The following SORCS2 variants were observed in gnomAD, a reference collection of about 807,000 sequenced individuals.
SORCS2 encodes sortilin related VPS10 domain containing receptor 2, also known as VPS10 domain-containing receptor SorCS2.
A neutral mutation model predicts 141.6 loss-of-function variants in SORCS2; 100 were observed. That is an observed-to-expected ratio of 0.71 (90% confidence interval 0.60 to 0.83). The LOEUF (loss-of-function observed/expected upper bound fraction) is 0.83, where lower values mean the gene tolerates loss of function less well. Among genes scored for constraint, SORCS2 ranks in the 40% least tolerant of loss-of-function variants. The pLI is 0.00. For synonymous variants in SORCS2, 789 were observed against 676.9 expected (o/e 1.17, Z -2.57); for missense variants, 1,646 against 1,560.2 (o/e 1.05, Z -0.93).
At chr4:7,316,245 T>TCCAC (rs1179921973) in intron 1 of SORCS2, among the ~76,000 whole-genome samples, 1 of 152,034 alleles carries the variant, frequency 6.6e-6, no homozygotes. Flanking sequence ...CATCCATCCA[T>TCCAC]CCATCCATGC....
intron 23 of SORCS2, among the ~76,000 whole-genome samples, chr4:7,733,009 G>A (rs1018211718): frequency 3.9e-4 from 38 of 96,374 alleles, no homozygotes; most frequent in African/African-American, 3.4e-4. Flanking sequence ...CCCTACTTCC[G>A]GTAGATCCCA....
rs150636893 is a variant in SORCS2 at position 7,547,879 on chromosome 4, G to A, written c.648+16250G>A. Among the ~76,000 whole-genome samples, 505 of 152,230 alleles carry A rather than the reference G, an allele frequency of 3.3e-3. 7 individuals are homozygous for A. The highest frequency in any genetic ancestry group is 0.011 in the African/African-American group (453 of 41,532). On this transcript the variant is annotated intron_variant, in intron 3 of 26. Coordinates refer to ENST00000507866, the MANE Select transcript of SORCS2 (RefSeq NM_020777.3). ...GGAACATCAATTTGAACAAACAAAC[G>A]CATGCACAAACAAACTGATTAAAGA...
rs1712683534 is a variant in SORCS2, at chr4:7,741,603, G to A, written c.*1339G>A. On this transcript the variant is annotated 3_prime_UTR_variant, in exon 27 of 27. Coordinates refer to ENST00000507866, the MANE Select transcript of SORCS2 (RefSeq NM_020777.3). ...AGCCCTGGCTGGTGATGTGCTGGCT[G>A]GGGGTGAATCCCAATGAGGGTCCCT... 4.8e-6 allele frequency: 1 copy of A among 206,212 alleles called. No individual in the cohort carries two copies. The highest frequency in any genetic ancestry group is 6.3e-5 in the Admixed American group (1 of 15,974). The allele number at this position is 206,212 out of a possible 1,614,324, so 12.8% of individuals were successfully genotyped here. A position where few individuals can be genotyped will look rare whatever the true frequency, so the allele number is the denominator to read the frequency against.
chr4:7,632,098 A>G (rs1405717980), intron 3 of SORCS2, among the ~76,000 whole-genome samples: 3 of 152,166 alleles, frequency 2.0e-5, no homozygotes, highest in Admixed American at 2.0e-4. Flanking sequence ...ACACCTACCT[A>G]GCAGGTATGC....
intron 8 of SORCS2, among the ~76,000 whole-genome samples, chr4:7,674,110 C>G (rs1722954896): frequency 6.6e-6 from 1 of 152,074 alleles, no homozygotes; most frequent in African/African-American, 2.4e-5. Context: ...ACCCATGGTC[C>G]CACTTCACAC....
intron 1 of SORCS2, among the ~76,000 whole-genome samples, chr4:7,327,568 C>G (rs528680606): frequency 6.6e-6 from 1 of 152,254 alleles, no homozygotes; most frequent in African/African-American, 2.4e-5. Flanking sequence ...CTGCTGGTCT[C>G]CCGGCTGCGT....
intron 1 of SORCS2, among the ~76,000 whole-genome samples, chr4:7,361,548 G>C (rs931350579): frequency 6.6e-6 from 1 of 151,988 alleles, no homozygotes; most frequent in Admixed American, 6.5e-5. Flanking sequence ...GCAGCTGCAG[G>C]CCCCCTGCCT....
intron 1 of SORCS2, among the ~76,000 whole-genome samples, chr4:7,198,695 G>A (rs958858763): frequency 1.3e-5 from 2 of 152,178 alleles, no homozygotes; most frequent in Non-Finnish European, 2.9e-5. Flanking sequence ...AGGGGTGAGT[G>A]CCTGTCATAC....
chr4:7,683,479 T>C (rs1292995328), intron 10 of SORCS2, among the ~76,000 whole-genome samples: 2 of 152,238 alleles, frequency 1.3e-5, no homozygotes, highest in African/African-American at 2.4e-5. Flanking sequence ...TGGTCTCTGC[T>C]CTGCACATCT....
intron 2 of SORCS2, among the ~76,000 whole-genome samples, chr4:7,448,292 G>C (rs991396257): frequency 1.3e-5 from 2 of 152,078 alleles, no homozygotes; most frequent in Non-Finnish European, 2.9e-5. Flanking sequence ...ACCCAGTGTG[G>C]CCAAGGCGTG....
chr4:7,572,037 G>A (rs1321677896), intron 3 of SORCS2, among the ~76,000 whole-genome samples: 1 of 152,164 alleles, frequency 6.6e-6, no homozygotes, highest in Admixed American at 6.5e-5. Context: ...ACGTATGTCT[G>A]GGGGCAGCTG....
intron 25 of SORCS2, among the ~76,000 whole-genome samples, chr4:7,734,685 T>C (rs887587917): frequency 2.0e-5 from 3 of 152,160 alleles, no homozygotes; most frequent in East Asian, 1.9e-4. Flanking sequence ...ACACTGCCCA[T>C]CTCACAGATG....
rs563016737 is a variant in SORCS2, at chr4:7,657,538, AGAAT to A, written c.887+3338_887+3341del. 1.4e-3 allele frequency among the ~76,000 whole-genome samples: 207 copies of A among 152,328 alleles called. 1 individual carries two copies. The highest frequency in any genetic ancestry group is 4.5e-3 in the African/African-American group (189 of 41,582). On this transcript the variant is annotated intron_variant, in intron 5 of 26. Coordinates refer to ENST00000507866, the MANE Select transcript of SORCS2 (RefSeq NM_020777.3). Reference sequence around the variant, plus strand: ...AAATAGCTGAGTGTGATTGAGTGAAAGAATGAATGAGTGAATGAATGAGTGAGCA... The same window carrying A: ...AAATAGCTGAGTGTGATTGAGTGAAAGAATGAGTGAATGAATGAGTGAGCA...
intron 1 of SORCS2, among the ~76,000 whole-genome samples, chr4:7,260,955 T>G (rs193037552): frequency 6.6e-6 from 1 of 152,230 alleles, no homozygotes; most frequent in Non-Finnish European, 1.5e-5. Flanking sequence ...CTCATAGCAC[T>G]GAACTTAGTT....
At chr4:7,736,834 G>A (rs1262583975) in intron 25 of SORCS2, among the ~76,000 whole-genome samples, 1 of 152,200 alleles carries the variant, frequency 6.6e-6, no homozygotes, top group African/African-American at 2.4e-5. Context: ...CAATGTGTCA[G>A]GGCAGAGGGA....
intron 1 of SORCS2, among the ~76,000 whole-genome samples, chr4:7,293,434 A>G (rs1468669066): frequency 6.6e-6 from 1 of 152,112 alleles, no homozygotes; most frequent in Non-Finnish European, 1.5e-5. Context: ...ATGGCTTTGT[A>G]TAGCAGCCTA....
rs754819256 is a variant in SORCS2 at position 7,433,856 on chromosome 4, T to A, written c.548+37501T>A. The stretch of plus-strand genomic sequence containing the variant: ...AGCTGCACCAAGGAGGGGCTGTAGG[T>A]GTCCACCAAGATGATGCACTCCTTC... On this transcript the variant is annotated intron_variant, in intron 2 of 26. Transcript: ENST00000507866. 3.7e-5 allele frequency: 59 copies of A among 1,613,704 alleles called. No individual in the cohort carries two copies. The East Asian group carries it at 1.3e-3, about 35-fold the overall frequency.
chr4:7,725,100 G>A, intron 19 of SORCS2, 54 bp from the exon 20 acceptor site: 1 of 1,573,308 alleles, frequency 6.4e-7, no homozygotes, highest in Non-Finnish European at 8.6e-7. Flanking sequence ...AGCAGCCTCT[G>A]AAATGCCCCA....
rs970769507 is a variant in SORCS2, at chr4:7,434,539, T to G, written c.548+38184T>G. On this transcript the variant is annotated intron_variant, in intron 2 of 26. Coordinates refer to ENST00000507866, the MANE Select transcript of SORCS2 (RefSeq NM_020777.3). ...GAGCATGCTCAGGATGGCCGAACTGTGGGCATCCACCATCCACTTGCATCC... is the reference window on the plus strand; with the variant it reads ...GAGCATGCTCAGGATGGCCGAACTGGGGGCATCCACCATCCACTTGCATCC... 7 of 1,613,042 alleles carry G rather than the reference T, an allele frequency of 4.3e-6. No individual in the cohort carries two copies. In the African/African-American group the frequency reaches 9.3e-5, roughly 22 times the overall value.
Sources: gnomAD v4.1 joint callset for allele counts (sites outside exome capture counted in the v4.1 genomes callset) on GRCh38, gnomAD v4.1.1 for gene constraint, MANE v1.5 for transcripts, NCBI Gene and HGNC (gene_info 2026-07-23, HGNC 2026-07-21) for gene names.